Variants in WDR27 observed in about 807,000 individuals in gnomAD.
WDR27 encodes the protein WD repeat-containing protein 27.
A neutral mutation model predicts 114.4 loss-of-function variants in WDR27; 100 were observed. That is an observed-to-expected ratio of 0.87 (90% CI 0.74 to 1.03). The LOEUF is 1.03. WDR27 is among the 50% of genes least tolerant of loss of function. WDR27 has a pLI of 0.00. For missense variants in WDR27, 1,129 were observed against 1,092.9 expected (o/e 1.03, Z -0.47); for synonymous variants, 449 against 423.1 (o/e 1.06, Z -0.75).
intron 25 of WDR27, among the ~76,000 whole-genome samples, chr6:169,537,520 T>C (rs928523861): frequency 7.2e-5 from 11 of 152,022 alleles, no homozygotes; most frequent in African/African-American, 1.9e-4. Flanking sequence ...TGGTGTAAAA[T>C]AGAAATGATT....
intron 1 of WDR27, among the ~76,000 whole-genome samples, chr6:169,692,000 G>A (rs1784621690): frequency 6.6e-6 from 1 of 152,186 alleles, no homozygotes; most frequent in Non-Finnish European, 1.5e-5. Context: ...AGAAGCAGCA[G>A]GCCACTGCAA....
intron 22 of WDR27, among the ~76,000 whole-genome samples, chr6:169,602,698 C>A (rs1421587652): frequency 6.6e-6 from 1 of 151,880 alleles, no homozygotes; most frequent in Non-Finnish European, 1.5e-5. Flanking sequence ...AACATTCTAT[C>A]GAGGGTGGTT....
chr6:169,481,908 T>C (rs935584364), intron 25 of WDR27, among the ~76,000 whole-genome samples: 1 of 152,252 alleles, frequency 6.6e-6, no homozygotes, highest in African/African-American at 2.4e-5. Context: ...GGCTTCATTC[T>C]TGAAGTCAGG....
downstream of WDR27, chr6:169,457,121 A>G (rs1784387855): frequency 1.8e-5 from 3 of 167,948 alleles, no homozygotes; most frequent in South Asian, 4.3e-4. Context: ...CACCATGCAG[A>G]GCCATGTGCA....
At chr6:169,608,904 TG>T (rs1187429704) in intron 22 of WDR27, among the ~76,000 whole-genome samples, 8 of 152,052 alleles carry the variant, frequency 5.3e-5, no homozygotes, top group Non-Finnish European at 1.2e-4. Context: ...CTAGATACAA[TG>T]GGGGTACAGG....
chr6:169,561,045 G>T (rs1450084275), intron 25 of WDR27, among the ~76,000 whole-genome samples: 2 of 152,040 alleles, frequency 1.3e-5, no homozygotes, highest in African/African-American at 4.8e-5. Context: ...AACAAATGTG[G>T]TCTTAGTCCA....
intron 19 of WDR27, among the ~76,000 whole-genome samples, chr6:169,634,969 G>A (rs1195787320): frequency 6.6e-6 from 1 of 152,186 alleles, no homozygotes; most frequent in African/African-American, 2.4e-5. Flanking sequence ...GAGGAGGCAG[G>A]AACAAGAAGA....
In WDR27 at chr6:169,688,822, G is replaced by T; in HGVS notation, c.184C>A (p.His62Asn). Residue 62 changes from histidine (H) to asparagine (N), a missense_variant, in exon 2 of 26, where the codon CAT (histidine) becomes AAT (asparagine). Coordinates refer to ENST00000448612, the MANE Select transcript of WDR27 (RefSeq NM_182552.5). The part of the protein sequence containing the change: ...LCIWNTKDPS[H>N]QLLILRGHHQ... ...ACATGTAACTCGTTCAATACCTGAT[G>T]AGAAGGATCCTTAGTGTTCCATATA... 6.2e-7 allele frequency: 1 copy of T among 1,603,518 alleles called. No individual in the cohort carries two copies. Among genetic ancestry groups the T allele is most frequent in the Non-Finnish European group, 8.5e-7 (1 of 1,175,530 alleles).
Position 169,505,045 on chromosome 6 carries a change from A to G in WDR27, c.2646-47411T>C, listed in dbSNP as rs549004412. The stretch of plus-strand genomic sequence containing the variant: ...TTACATGAAATCTAGCAAGAAAGAC[A>G]ATATTATTACTTGGCTACAATTATA... On this transcript the variant is annotated intron_variant, in intron 25 of 25. Transcript: ENST00000448612. Among the ~76,000 whole-genome samples, 5 of 152,324 alleles carry G rather than the reference A, an allele frequency of 3.3e-5. No individual in the cohort carries two copies. The South Asian group carries it at 1.0e-3, about 32-fold the overall frequency.
At chr6:169,572,746 T>C (rs1001709904) in intron 24 of WDR27, among the ~76,000 whole-genome samples, 16 of 152,046 alleles carry the variant, frequency 1.1e-4, no homozygotes, top group Non-Finnish European at 1.0e-4. Context: ...TGAGAAGCAT[T>C]TGTCTATAGC....
chr6:169,594,972 G>C (rs1207333280), intron 23 of WDR27, among the ~76,000 whole-genome samples: 1 of 152,154 alleles, frequency 6.6e-6, no homozygotes, highest in Non-Finnish European at 1.5e-5. Context: ...AATTGTTTGA[G>C]AGCAGCCTGG....
chr6:169,631,333 C>T (rs1413844564), intron 21 of WDR27, among the ~76,000 whole-genome samples: 1 of 152,150 alleles, frequency 6.6e-6, no homozygotes, highest in Non-Finnish European at 1.5e-5. Flanking sequence ...CAACAACTCT[C>T]CCCAAGCTGA....
chr6:169,586,379 C>T (rs2143130), intron 23 of WDR27, among the ~76,000 whole-genome samples: 135,821 of 152,068 alleles, frequency 0.89, 61,253 homozygotes, highest in East Asian at 0.99. Context: ...TTTCATGATG[C>T]TCTCTCTATC....
At chr6:169,520,611 A>G (rs1342177683) in intron 25 of WDR27, among the ~76,000 whole-genome samples, 1 of 152,220 alleles carries the variant, frequency 6.6e-6, no homozygotes, top group Non-Finnish European at 1.5e-5. Context: ...CCAAGAATGC[A>G]AAGTAGCAGT....
At position 169,532,081 on chromosome 6, in the gene WDR27, C is replaced by T. The variant is rs185822562; in HGVS notation, c.2645+40338G>A. Among the ~76,000 whole-genome samples the T allele has an allele frequency of 1.7e-3, 264 of 152,132 alleles. 2 individuals carry two copies. The highest frequency in any genetic ancestry group is 5.9e-3 in the African/African-American group (245 of 41,516). Reference sequence around the variant, plus strand: ...TTCAGCTGTATTTAAAGTTTAGATACAACAAATTATATACTTATCATTGTA... The same window carrying T: ...TTCAGCTGTATTTAAAGTTTAGATATAACAAATTATATACTTATCATTGTA... On this transcript the variant is annotated intron_variant, in intron 25 of 25. Transcript: ENST00000448612.
At chr6:169,685,929 C>T (rs569958318) in intron 2 of WDR27, among the ~76,000 whole-genome samples, 1 of 152,050 alleles carries the variant, frequency 6.6e-6, no homozygotes, top group African/African-American at 2.4e-5. Context: ...AATCGAAAGA[C>T]AAAGAAAAAA....
At chr6:169,579,727 T>C (rs1042867922) in intron 24 of WDR27, among the ~76,000 whole-genome samples, 1 of 152,140 alleles carries the variant, frequency 6.6e-6, no homozygotes, top group Non-Finnish European at 1.5e-5. Flanking sequence ...TTATGTAGCA[T>C]ATAATTAAGA....
chr6:169,599,924 C>G (rs1489257575), intron 23 of WDR27, among the ~76,000 whole-genome samples: 1 of 152,008 alleles, frequency 6.6e-6, no homozygotes, highest in African/African-American at 2.4e-5. Flanking sequence ...CCTCTACACA[C>G]TGCTTTGAAT....
chr6:169,479,541 T>G (rs1355622049), intron 25 of WDR27, among the ~76,000 whole-genome samples: 1 of 152,228 alleles, frequency 6.6e-6, no homozygotes, highest in Non-Finnish European at 1.5e-5. Context: ...ATCTAGATTT[T>G]ATATGGTGAC....
Sources: gnomAD v4.1 joint callset for allele counts (sites outside exome capture counted in the v4.1 genomes callset) on GRCh38, gnomAD v4.1.1 for gene constraint, MANE v1.5 for transcripts, NCBI Gene and HGNC (gene_info 2026-07-23, HGNC 2026-07-21) for gene names.